Variants in CTIF observed in about 807,000 individuals in gnomAD.
CTIF encodes cap binding complex dependent translation initiation factor, also known as CBP80/20-dependent translation initiation factor.
CTIF carries 21 observed loss-of-function variants against 66.0 expected under a neutral mutation model. The observed-to-expected ratio is 0.32, with a 90% CI of 0.23 to 0.46. CTIF has a LOEUF of 0.46. Ranked by LOEUF, CTIF falls within the 20% of genes least tolerant of loss-of-function variation. The pLI, the probability that CTIF is intolerant of heterozygous loss-of-function variation, is 1.00. For missense variants in CTIF, 739 were observed against 812.7 expected, an observed-to-expected ratio of 0.91 and a Z score of 1.10; for synonymous variants, 345 against 326.4, an observed-to-expected ratio of 1.06 and a Z score of -0.62.
At chr18:48,646,575 C>G (rs1436494731) in intron 3 of CTIF, among the ~76,000 whole-genome samples, 1 of 151,384 alleles carries the variant, frequency 6.6e-6, no homozygotes, top group African/African-American at 2.4e-5. Context: ...GGTGAAACAC[C>G]GTCTCAACAA....
intron 7 of CTIF, among the ~76,000 whole-genome samples, chr18:48,713,159 C>G (rs2092245558): frequency 6.6e-6 from 1 of 152,156 alleles, no homozygotes; most frequent in Non-Finnish European, 1.5e-5. Flanking sequence ...AGGCAGCACC[C>G]CTCAAGGAGG....
chr18:48,607,355 A>G (rs1352075412), intron 1 of CTIF, among the ~76,000 whole-genome samples: 1 of 152,200 alleles, frequency 6.6e-6, no homozygotes, highest in African/African-American at 2.4e-5. Flanking sequence ...ATTGTGTGGG[A>G]TACATGAGGG....
At chr18:48,654,315 A>T (rs2091208085) in intron 3 of CTIF, among the ~76,000 whole-genome samples, 1 of 152,244 alleles carries the variant, frequency 6.6e-6, no homozygotes, top group Non-Finnish European at 1.5e-5. Context: ...TGGGCAAAGG[A>T]TATGAACAGA....
intron 1 of CTIF, among the ~76,000 whole-genome samples, chr18:48,601,804 C>A (rs144690712): frequency 3.1e-4 from 47 of 152,308 alleles, no homozygotes; most frequent in African/African-American, 1.0e-3. Context: ...TTAGGGATGG[C>A]AGTTTCCTGG....
chr18:48,613,615 T>G (rs2090347957), intron 1 of CTIF, among the ~76,000 whole-genome samples: 1 of 152,206 alleles, frequency 6.6e-6, no homozygotes, highest in African/African-American at 2.4e-5. Context: ...AAGCACGGAC[T>G]GTGATTGGCT....
Position 48,553,554 on chromosome 18 carries a change from G to A in CTIF, c.-29+14242G>A, listed in dbSNP as rs146605658. ...CAGCTCCTGGCTCATCCCACGAGGC[G>A]TTCGTGATTTTACTCACCTCATTAG... On this transcript the variant is annotated intron_variant, in intron 1 of 11. Transcript: ENST00000256413. Among the ~76,000 whole-genome samples, 537 of 152,252 alleles carry A rather than the reference G, an allele frequency of 3.5e-3. 2 individuals are homozygous for A. The highest frequency in any genetic ancestry group is 0.012 in the African/African-American group (508 of 41,560).
intron 6 of CTIF, among the ~76,000 whole-genome samples, chr18:48,698,434 A>AT (rs1348557718): frequency 8.5e-5 from 13 of 152,192 alleles, no homozygotes; most frequent in African/African-American, 2.9e-4. Flanking sequence ...GCTGGTCTCG[A>AT]ACTCCTGGGT....
rs757329441 is a variant in CTIF, at chr18:48,859,966, A to G, written c.*407A>G. ...CCGCTTGGGTCAGAAAGGACCTCGG[A>G]AGGCTGAAAAAGTGGGTCGGAGACG... is the stretch of plus-strand genomic sequence containing the variant. On this transcript the variant is annotated 3_prime_UTR_variant, in exon 12 of 12. Coordinates refer to ENST00000256413, the MANE Select transcript of CTIF (RefSeq NM_014772.3). The G allele has an allele frequency of 4.5e-5, 21 of 467,106 alleles. No individual in the cohort carries two copies. Among genetic ancestry groups the G allele is most frequent in the South Asian group, 3.1e-4 (20 of 64,700 alleles). 28.9% of individuals were successfully genotyped at this position (467,106 alleles called of 1,614,324 possible). A position where few individuals can be genotyped will look rare whatever the true frequency, so the allele number is the denominator to read the frequency against.
At chr18:48,561,404 T>A (rs1266811717) in intron 1 of CTIF, among the ~76,000 whole-genome samples, 2 of 152,154 alleles carry the variant, frequency 1.3e-5, no homozygotes, top group African/African-American at 2.4e-5. Context: ...TAGTGGAGCT[T>A]TATTTCTTCA....
chr18:48,595,408 C>T (rs76211947), intron 1 of CTIF, among the ~76,000 whole-genome samples: 5,373 of 152,096 alleles, frequency 0.035, 336 homozygotes, highest in African/African-American at 0.12. Flanking sequence ...GCTGAAACTA[C>T]GTACATTTAT....
At chr18:48,793,697 A>T (rs948025205) in intron 9 of CTIF, among the ~76,000 whole-genome samples, 4 of 152,058 alleles carry the variant, frequency 2.6e-5, no homozygotes, top group African/African-American at 9.7e-5. Flanking sequence ...TCATTTATTG[A>T]CTTTTCCCTA....
intron 10 of CTIF, among the ~76,000 whole-genome samples, chr18:48,848,016 G>A (rs1273507182): frequency 6.6e-6 from 1 of 152,184 alleles, no homozygotes; most frequent in Non-Finnish European, 1.5e-5. Context: ...GCACAGGGTG[G>A]ATGGGCCAGC....
At chr18:48,680,041 C>T (rs1025404098) in intron 6 of CTIF, among the ~76,000 whole-genome samples, 2 of 152,194 alleles carry the variant, frequency 1.3e-5, no homozygotes, top group African/African-American at 4.8e-5. Flanking sequence ...GCCGAATGCT[C>T]TCCAGCAAGG....
intron 10 of CTIF, among the ~76,000 whole-genome samples, chr18:48,856,939 G>A (rs1444082245): frequency 6.6e-6 from 1 of 152,218 alleles, no homozygotes; most frequent in Non-Finnish European, 1.5e-5. Flanking sequence ...GAGACAGAGA[G>A]ATTGAGAGAA....
rs140110319 is a variant in CTIF at position 48,782,597 on chromosome 18, G to A, written c.1371+20908G>A. Among the ~76,000 whole-genome samples, 530 of 152,266 alleles carry A rather than the reference G, an allele frequency of 3.5e-3. 3 individuals are homozygous for A. The highest frequency in any genetic ancestry group is 4.4e-3 in the Non-Finnish European group (299 of 68,002). On this transcript the variant is annotated intron_variant, in intron 9 of 11. Transcript: ENST00000256413. ...CACCCACAAGGCCTTCTCAGCATTC[G>A]CTTTCCCCTCCTTGGCCCAGATCCC...
Position 48,852,571 on chromosome 18 carries a change from AC to A in CTIF, c.1528-5016del, listed in dbSNP as rs537810673. ...GCCCAAGAAAGTCCCCCAGGCACTG[AC>A]TGGTGGAAGCCTCCCTTGGCTCTCC... On this transcript the variant is annotated intron_variant, in intron 10 of 11. Transcript: ENST00000256413. Among the ~76,000 whole-genome samples, 12 of 152,308 alleles carry A rather than the reference AC, an allele frequency of 7.9e-5. No individual in the cohort carries two copies. In the South Asian group the frequency reaches 2.5e-3, roughly 32 times the overall value.
At chr18:48,605,751 A>G (rs1247825038) in intron 1 of CTIF, among the ~76,000 whole-genome samples, 1 of 151,648 alleles carries the variant, frequency 6.6e-6, no homozygotes, top group African/African-American at 2.4e-5. Flanking sequence ...GAGGCCCACC[A>G]TGGGCCTCTC....
intron 9 of CTIF, among the ~76,000 whole-genome samples, chr18:48,788,520 C>T (rs915498076): frequency 1.3e-4 from 15 of 114,398 alleles, no homozygotes; most frequent in Non-Finnish European, 2.7e-4. Flanking sequence ...CCCTGTATCC[C>T]AGGGCCACAC....
chr18:48,627,087 A>G (rs2090618025), intron 2 of CTIF, among the ~76,000 whole-genome samples: 1 of 152,250 alleles, frequency 6.6e-6, no homozygotes, highest in Non-Finnish European at 1.5e-5. Flanking sequence ...TTTTTTAAAC[A>G]TCTTTTACAA....
Sources: gnomAD v4.1 joint callset for allele counts (sites outside exome capture counted in the v4.1 genomes callset) on GRCh38, gnomAD v4.1.1 for gene constraint, MANE v1.5 for transcripts, NCBI Gene and HGNC (gene_info 2026-07-23, HGNC 2026-07-21) for gene names.